Variants in TUBA4B observed in about 807,000 individuals in gnomAD.
TUBA4B encodes tubulin alpha 4b.
TUBA4B carries 13 observed loss-of-function variants against 18.4 expected under a neutral mutation model. The ratio of observed to expected loss-of-function variants is 0.71; its 90% confidence interval spans 0.46 to 1.12. The LOEUF (loss-of-function observed/expected upper bound fraction) is 1.12, where lower values mean the gene tolerates loss of function less well. Among genes scored for constraint, TUBA4B ranks in the 50% most tolerant of loss-of-function variants. The pLI, the probability that TUBA4B is intolerant of heterozygous loss-of-function variation, is 0.00. For missense variants in TUBA4B, 244 were observed against 250.0 expected (o/e 0.98, Z 0.16); for synonymous variants, 101 against 99.1 (o/e 1.02, Z -0.11).
chr2:219,266,250 T>G, intron 1 of TUBA4B: 1 of 417,616 alleles, frequency 2.4e-6, no homozygotes, highest in East Asian at 3.9e-5. Context: ...TGGGATTGCG[T>G]GACTGACAAC....
intron 1 of TUBA4B, among the ~76,000 whole-genome samples, chr2:219,261,815 T>C (rs1414155627): frequency 6.6e-6 from 1 of 152,206 alleles, no homozygotes; most frequent in Non-Finnish European, 1.5e-5. Flanking sequence ...CTGTTACACT[T>C]ATATAAAAGC....
chr2:219,255,979 CAG>C (rs748726222), intron 1 of TUBA4B, among the ~76,000 whole-genome samples: 87 of 151,786 alleles, frequency 5.7e-4, no homozygotes, highest in Non-Finnish European at 9.7e-4. Context: ...AGAAAACTGA[CAG>C]GGGCGTATAA....
intron 2 of TUBA4B, 118 bp downstream of exon 2, chr2:219,266,684 C>A: frequency 3.1e-6 from 2 of 640,282 alleles, no homozygotes; most frequent in Non-Finnish European, 5.7e-6. Context: ...CAGTATGTGG[C>A]GAGGTGGGGA....
chr2:219,264,376 C>T (rs1951777140), intron 1 of TUBA4B, among the ~76,000 whole-genome samples: 1 of 151,184 alleles, frequency 6.6e-6, no homozygotes, highest in Non-Finnish European at 1.5e-5. Flanking sequence ...GGGAGAATTG[C>T]TTGAACCCAA....
chr2:219,271,690 C>G lies in TUBA4B; in HGVS notation c.717C>G (p.Thr239=), dbSNP rs778667241. 1.2e-6 allele frequency: 2 copies of G among 1,613,314 alleles called. No homozygotes were observed. The highest frequency in any genetic ancestry group is 1.3e-5 in the African/African-American group (1 of 75,032). Residue 239 remains threonine, a synonymous_variant, in exon 4 of 4, where the codon ACC becomes ACG. Transcript: ENST00000490341. ...RLPMPALSLP[T]RW The stretch of plus-strand genomic sequence containing the variant: ...CAATGCCTGCTTTGAGCCTGCCAAC[C>G]AGATGGTGAAGTGTGATCCCCGGCA...
At chr2:219,267,588 T>G (rs1350256598) in intron 2 of TUBA4B, among the ~76,000 whole-genome samples, 2 of 151,750 alleles carry the variant, frequency 1.3e-5, no homozygotes, top group Non-Finnish European at 2.9e-5. Flanking sequence ...TTTGTTTTTT[T>G]TTTTTTGAGA....
chr2:219,262,237 G>A (rs953034575), intron 1 of TUBA4B, among the ~76,000 whole-genome samples: 8 of 152,230 alleles, frequency 5.3e-5, no homozygotes. Flanking sequence ...CGTGAACCCA[G>A]GAGGCAGAGC....
At chr2:219,269,049 T>C (rs1479703462) in intron 2 of TUBA4B, among the ~76,000 whole-genome samples, 4 of 152,212 alleles carry the variant, frequency 2.6e-5, no homozygotes, top group Non-Finnish European at 5.9e-5. Flanking sequence ...TAGTTAACTA[T>C]GATCACATCA....
At chr2:219,253,499 G>A in intron 1 of TUBA4B, 80 bp downstream of exon 1, 5 of 1,202,818 alleles carry the variant, frequency 4.2e-6, no homozygotes, top group Non-Finnish European at 5.9e-6. Flanking sequence ...GATGTAAGAG[G>A]GCAGCCAAAC....
intron 2 of TUBA4B, among the ~76,000 whole-genome samples, chr2:219,268,843 C>T (rs1342359938): frequency 6.6e-6 from 1 of 152,150 alleles, no homozygotes; most frequent in East Asian, 1.9e-4. Flanking sequence ...TGCCTGTAAT[C>T]CCAGTACTTT....
rs1202897904 is a variant in TUBA4B, at chr2:219,271,982, G to T, written c.*283G>T. The stretch of plus-strand genomic sequence containing the variant: ...GCCTGGACCACAAGTTTGACCTGAT[G>T]TATGCCAAGAGGGCGTTTGGGCACT... On this transcript the variant is annotated 3_prime_UTR_variant, in exon 4 of 4. Coordinates refer to ENST00000490341, the MANE Select transcript of TUBA4B (RefSeq NM_001355221.1). 9 of 1,523,890 alleles carry T rather than the reference G, an allele frequency of 5.9e-6. No individual in the cohort carries two copies. Among genetic ancestry groups the T allele is most frequent in the Non-Finnish European group, 1.8e-6 (2 of 1,098,602 alleles). The allele number at this position is 1,523,890 out of a possible 1,614,324, so 94.4% of individuals were successfully genotyped here. A position where few individuals can be genotyped will look rare whatever the true frequency, so the allele number is the denominator to read the frequency against.
intron 1 of TUBA4B, among the ~76,000 whole-genome samples, chr2:219,264,162 G>A (rs538575529): frequency 6.6e-6 from 1 of 152,296 alleles, no homozygotes; most frequent in East Asian, 1.9e-4. Context: ...ACAGTAAGAG[G>A]TTAAGAACAA....
At chr2:219,268,761 A>T (rs1256955961) in intron 2 of TUBA4B, among the ~76,000 whole-genome samples, 1 of 152,206 alleles carries the variant, frequency 6.6e-6, no homozygotes, top group East Asian at 1.9e-4. Context: ...TCCTCATTAA[A>T]CAATTAAGAA....
intron 2 of TUBA4B, among the ~76,000 whole-genome samples, chr2:219,268,513 T>A (rs73079129): frequency 0.022 from 3,362 of 152,344 alleles, 139 homozygotes; most frequent in African/African-American, 0.075. Flanking sequence ...GCACTTTGCA[T>A]GCATTCTTTC....
Position 219,253,289 on chromosome 2 carries a change from T to C in TUBA4B, c.-119T>C. The C allele has an allele frequency of 5.3e-6, 8 of 1,508,004 alleles. No homozygotes were observed. Among genetic ancestry groups the C allele is most frequent in the Non-Finnish European group, 7.1e-6 (8 of 1,129,994 alleles). The allele number at this position is 1,508,004 out of a possible 1,614,324, so 93.4% of individuals were successfully genotyped here. A position where few individuals can be genotyped will look rare whatever the true frequency, so the allele number is the denominator to read the frequency against. On this transcript the variant is annotated 5_prime_UTR_variant, in exon 1 of 4. Coordinates refer to ENST00000490341, the MANE Select transcript of TUBA4B (RefSeq NM_001355221.1). ...CGGGCTTCGGCTGGAGAGGGCCAGCTCGCTTCAGGAGGCCGAACCCCGTTC... is the reference window on the plus strand; with the variant it reads ...CGGGCTTCGGCTGGAGAGGGCCAGCCCGCTTCAGGAGGCCGAACCCCGTTC...
chr2:219,253,354 CGG>C lies in TUBA4B; in HGVS notation c.-45_-44del, dbSNP rs60456844. On this transcript the variant is annotated 5_prime_UTR_variant, in exon 1 of 4. Transcript: ENST00000490341. Reference sequence around the variant, plus strand: ...AGCTCAGACGCGGGGTGCTGAGTCACGGGGGGGGGGTGGTTCTGTGGATAGTT... The same window carrying C: ...AGCTCAGACGCGGGGTGCTGAGTCACGGGGGGGGTGGTTCTGTGGATAGTT... 5 of 1,302,368 alleles carry C rather than the reference CGG, an allele frequency of 3.8e-6. No individual in the cohort carries two copies. The highest frequency in any genetic ancestry group is 3.0e-5 in the African/African-American group (2 of 67,096). The allele number at this position is 1,302,368 out of a possible 1,614,324, so 80.7% of individuals were successfully genotyped here. A position where few individuals can be genotyped will look rare whatever the true frequency, so the allele number is the denominator to read the frequency against.
chr2:219,260,188 G>A (rs906486428), intron 1 of TUBA4B, among the ~76,000 whole-genome samples: 5 of 151,920 alleles, frequency 3.3e-5, no homozygotes, highest in Non-Finnish European at 5.9e-5. Context: ...CCAGTCTCAG[G>A]TTCTCTTATT....
rs923113127 is a variant in TUBA4B, at chr2:219,270,390, G to A, written c.192+55G>A. 3 of 700,168 alleles carry A rather than the reference G, an allele frequency of 4.3e-6. No individual in the cohort carries two copies. In the African/African-American group the frequency reaches 5.2e-5, roughly 12 times the overall value. The allele number at this position is 700,168 out of a possible 1,614,324, so 43.4% of individuals were successfully genotyped here. A position where few individuals can be genotyped will look rare whatever the true frequency, so the allele number is the denominator to read the frequency against. Reference sequence around the variant, plus strand: ...GGGAATGAATCTGGATTCCTGTTGTGAGGTAGTCTGGACACCAGATTGGGG... The same window carrying A: ...GGGAATGAATCTGGATTCCTGTTGTAAGGTAGTCTGGACACCAGATTGGGG... On this transcript the variant is annotated intron_variant, in intron 3 of 3. Coordinates refer to ENST00000490341, the MANE Select transcript of TUBA4B (RefSeq NM_001355221.1).
intron 1 of TUBA4B, among the ~76,000 whole-genome samples, chr2:219,265,497 C>G (rs1372006844): frequency 6.6e-6 from 1 of 152,062 alleles, no homozygotes; most frequent in Non-Finnish European, 1.5e-5. Flanking sequence ...ATTAGCCAGG[C>G]CTGGTGGCAG....
Sources: allele counts gnomAD v4.1 joint callset (sites outside exome capture counted in the v4.1 genomes callset), GRCh38; gene constraint gnomAD v4.1.1; transcripts MANE v1.5; gene names NCBI Gene and HGNC (gene_info 2026-07-23, HGNC 2026-07-21).